Variants in SLC2A5 observed in about 807,000 individuals in gnomAD.
SLC2A5 encodes solute carrier family 2, facilitated glucose transporter member 5.
SLC2A5 carries 56 observed loss-of-function variants against 50.3 expected under a neutral mutation model. The ratio of observed to expected loss-of-function variants is 1.11; its 90% CI spans 0.90 to 1.39. The LOEUF (loss-of-function observed/expected upper bound fraction) is 1.39. SLC2A5 is among the 40% of genes most tolerant of loss of function. The pLI is 0.00. For synonymous variants in SLC2A5, 269 were observed against 281.9 expected (o/e 0.95, Z 0.46); for missense variants, 566 against 650.1 (o/e 0.87, Z 1.41).
At chr1:9,043,944 A>G (rs1429908549) in intron 4 of SLC2A5, among the ~76,000 whole-genome samples, 1 of 149,880 alleles carries the variant, frequency 6.7e-6, no homozygotes, top group Non-Finnish European at 1.5e-5. Context: ...CTGGTCCTGA[A>G]CTCCCGACCT....
chr1:9,060,062 AATACACACACTAC>A (rs1641875353), intron 1 of SLC2A5, among the ~76,000 whole-genome samples: 1 of 132,400 alleles, frequency 7.6e-6, no homozygotes, highest in African/African-American at 2.8e-5. Context: ...ACACACACAC[AATACACACACTAC>A]ACACACACAC....
In SLC2A5 at chr1:9,039,555, G is replaced by A. The variant is rs866784297; in HGVS notation, c.993C>T (p.Cys331=). The change falls in exon 8 of 12, where the codon TGC becomes TGT. Residue 331 remains cysteine, a synonymous_variant. Transcript: ENST00000377424. ...GGGCAGCTCCCAGGACACTCACGGC[G>A]CAGAAGGTCATGACCACGTTCACGG... ...TGAVNVVMTF[C]AVFVVELLGR... 5 of 1,567,406 alleles carry A rather than the reference G, an allele frequency of 3.2e-6. No homozygotes were observed. In the East Asian group the frequency reaches 9.6e-5, roughly 30 times the overall value.
At chr1:9,080,301 G>A (rs1192411659) in intron 2 of SLC2A5, among the ~76,000 whole-genome samples, 1 of 152,166 alleles carries the variant, frequency 6.6e-6, no homozygotes. Flanking sequence ...CTGAGCCCCC[G>A]TTTTCAATTA....
intron 1 of SLC2A5, among the ~76,000 whole-genome samples, chr1:9,060,237 A>C (rs1360775969): frequency 1.7e-3 from 55 of 32,192 alleles, no homozygotes; most frequent in East Asian, 0.015. Context: ...ATACACACAC[A>C]CCCCCCATGT....
At chr1:9,082,040 C>G (rs2124480400) in intron 2 of SLC2A5, among the ~76,000 whole-genome samples, 1 of 152,156 alleles carries the variant, frequency 6.6e-6, no homozygotes, top group South Asian at 2.1e-4. Context: ...TGAGATTGCA[C>G]CACTGCACCC....
upstream of SLC2A5, among the ~76,000 whole-genome samples, chr1:9,091,691 C>T (rs11121320): frequency 0.24 from 35,827 of 152,016 alleles, 4,633 homozygotes; most frequent in South Asian, 0.34. Context: ...AAAGTTCTCT[C>T]ACCATGTTTT....
upstream of SLC2A5, among the ~76,000 whole-genome samples, chr1:9,073,302 C>A (rs1290386520): frequency 6.6e-6 from 1 of 152,238 alleles, no homozygotes; most frequent in Admixed American, 6.5e-5. Context: ...TGCGGCTGCC[C>A]AAAATAAAGA....
upstream of SLC2A5, chr1:9,069,639 A>C (rs555846218): frequency 7.8e-7 from 1 of 1,279,498 alleles, no homozygotes; most frequent in South Asian, 1.2e-5. Flanking sequence ...TGGCCATGCC[A>C]AATAACAGCC....
chr1:9,046,211 G>A (rs1232726375), intron 4 of SLC2A5, among the ~76,000 whole-genome samples: 1 of 152,128 alleles, frequency 6.6e-6, no homozygotes, highest in Admixed American at 6.6e-5. Flanking sequence ...TGCACCTGTA[G>A]GACCCTGAGA....
At chr1:9,083,019 T>G (rs2124481865) in intron 2 of SLC2A5, 1 of 160,148 alleles carries the variant, frequency 6.2e-6, no homozygotes, top group African/African-American at 2.4e-5. Context: ...ACCCTGTGAA[T>G]GCTGCCAAAT....
chr1:9,084,035 G>A lies in SLC2A5; in HGVS notation c.-59+979C>T, dbSNP rs190019229. Among the ~76,000 whole-genome samples, 59 of 151,170 alleles carry A rather than the reference G, an allele frequency of 3.9e-4. No individual in the cohort carries two copies. The South Asian group carries it at 5.0e-3, about 13-fold the overall frequency. ...GGCGGGCGCCTGTAGTCCCAGCTAC[G>A]CGGGAGGCTGAGGCAGGAGCATGGC... On this transcript the variant is annotated intron_variant, in intron 2 of 5. Coordinates refer to the SLC2A5 transcript ENST00000464985.
intron 3 of SLC2A5, among the ~76,000 whole-genome samples, chr1:9,051,937 G>A (rs1320699102): frequency 6.6e-6 from 1 of 152,166 alleles, no homozygotes; most frequent in African/African-American, 2.4e-5. Flanking sequence ...ACCAGACAAT[G>A]AAATATTCAA....
chr1:9,063,691 T>C lies in SLC2A5; in HGVS notation c.34-5441A>G, dbSNP rs1231070774. On this transcript the variant is annotated intron_variant, in intron 1 of 11. Transcript: ENST00000377424. ...TCAGGCTATTATTTACTTTTTTTTT[T>C]TTTTTTTTTTTTTTTTTTTTTGAGA... 5.9e-4 allele frequency among the ~76,000 whole-genome samples: 24 copies of C among 40,904 alleles called. 2 individuals carry two copies. The highest frequency in any genetic ancestry group is 6.6e-4 in the Non-Finnish European group (16 of 24,130). The allele number at this position is 40,904 out of a possible 152,430, so 26.8% of individuals were successfully genotyped here. A position where few individuals can be genotyped will look rare whatever the true frequency, so the allele number is the denominator to read the frequency against.
chr1:9,073,490 A>C (rs1330819480), upstream of SLC2A5, among the ~76,000 whole-genome samples: 1 of 152,250 alleles, frequency 6.6e-6, no homozygotes, highest in Non-Finnish European at 1.5e-5. Context: ...TTGAAGCCCC[A>C]CAGGACAGAG....
intron 2 of SLC2A5, among the ~76,000 whole-genome samples, chr1:9,075,080 G>A (rs1050732257): frequency 2.0e-5 from 3 of 151,964 alleles, no homozygotes; most frequent in African/African-American, 7.2e-5. Flanking sequence ...GTCCTAATTA[G>A]GGAAAAGGAG....
intron 1 of SLC2A5, among the ~76,000 whole-genome samples, chr1:9,059,101 C>G (rs1641834126): frequency 6.8e-6 from 1 of 147,558 alleles, no homozygotes; most frequent in South Asian, 2.2e-4. Context: ...AAAGGACCTT[C>G]TTCCATCTAC....
intron 1 of SLC2A5, among the ~76,000 whole-genome samples, chr1:9,066,998 A>G (rs1642099726): frequency 6.7e-6 from 1 of 150,090 alleles, no homozygotes. Flanking sequence ...AAAAAAAAAA[A>G]GGAAAAAGAA....
At position 9,040,322 on chromosome 1, in the gene SLC2A5, A is replaced by G; in HGVS notation, c.572-133T>C. 2 of 1,130,316 alleles carry G rather than the reference A, an allele frequency of 1.8e-6. No homozygotes were observed. Among genetic ancestry groups the G allele is most frequent in the Non-Finnish European group, 2.4e-6 (2 of 818,748 alleles). 70.0% of individuals were successfully genotyped at this position (1,130,316 alleles called of 1,614,324 possible). On this transcript the variant is annotated intron_variant, in intron 5 of 11. Transcript: ENST00000377424. The surrounding 1 kb of genome is among the most constrained non-coding windows in gnomAD (Gnocchi z 4.3). Reference sequence around the variant, plus strand: ...GGAGGGCACAGCTTTCCCAGCCCTAAGAACAGCAACTCCCGACGGTGGACA... The same window carrying G: ...GGAGGGCACAGCTTTCCCAGCCCTAGGAACAGCAACTCCCGACGGTGGACA...
chr1:9,069,809 G>A, upstream of SLC2A5: 1 of 437,856 alleles, frequency 2.3e-6, no homozygotes, highest in Non-Finnish European at 4.1e-6. Context: ...ACAGTCTACG[G>A]TATTTCCCCA....
Sources: gnomAD v4.1 joint callset for allele counts (sites outside exome capture counted in the v4.1 genomes callset) on GRCh38, gnomAD v4.1.1 for gene constraint, Gnocchi (gnomAD v3.1) non-coding constraint, MANE v1.5 for transcripts, NCBI Gene and HGNC (gene_info 2026-07-23, HGNC 2026-07-21) for gene names.